BCKDHB: variants seen among roughly 807,000 people sequenced by gnomAD.
BCKDHB encodes branched chain keto acid dehydrogenase E1 subunit beta.
Under a neutral mutation model 48.5 loss-of-function variants are expected in BCKDHB, and 41 were observed. The ratio of observed to expected loss-of-function variants is 0.85; its 90% CI spans 0.66 to 1.10. The LOEUF (loss-of-function observed/expected upper bound fraction) is 1.10, where lower values mean the gene tolerates loss of function less well. BCKDHB is among the 50% of genes least tolerant of loss of function. The probability of loss-of-function intolerance (pLI) is 0.00; values close to 1 mark genes in which losing one functional copy is unlikely to be tolerated. For synonymous variants in BCKDHB, 201 were observed against 174.8 expected, an observed-to-expected ratio of 1.15 and a Z score of -1.18; for missense variants, 496 against 494.2, an observed-to-expected ratio of 1.00 and a Z score of -0.03.
intron 3 of BCKDHB, among the ~76,000 whole-genome samples, chr6:80,153,483 G>T (rs1771891877): frequency 6.6e-6 from 1 of 152,078 alleles, no homozygotes; most frequent in Non-Finnish European, 1.5e-5. Flanking sequence ...CATGCCTAGT[G>T]AGATCTTCCA....
At chr6:80,242,548 CACACAT>C (rs1776432297) in intron 8 of BCKDHB, among the ~76,000 whole-genome samples, 3 of 152,104 alleles carry the variant, frequency 2.0e-5, no homozygotes, top group African/African-American at 7.2e-5. Context: ...AAGTGACACA[CACACAT>C]ACACATACAC....
At chr6:80,336,470 C>T (rs562889671) in intron 9 of BCKDHB, among the ~76,000 whole-genome samples, 75 of 76,822 alleles carry the variant, frequency 9.8e-4, no homozygotes, top group Admixed American at 7.0e-3. Context: ...CTTTAACTAG[C>T]GGAAAGAAAT....
At chr6:80,177,749 A>T (rs1057313219) in intron 6 of BCKDHB, among the ~76,000 whole-genome samples, 1 of 152,186 alleles carries the variant, frequency 6.6e-6, no homozygotes, top group South Asian at 2.1e-4. Flanking sequence ...AGTAGTCCAT[A>T]TATAATCTCT....
At chr6:80,374,582 C>A in the BCKDHB span, 8 of 650,428 alleles carry the variant, frequency 1.2e-5, no homozygotes, top group Non-Finnish European at 1.7e-5. Flanking sequence ...TCACAGATTA[C>A]CTCCGGCTAC....
chr6:80,119,197 T>C (rs927979620), intron 1 of BCKDHB, among the ~76,000 whole-genome samples: 2 of 152,186 alleles, frequency 1.3e-5, no homozygotes, highest in East Asian at 3.9e-4. Flanking sequence ...GGTGTGAGAA[T>C]TGGTTGATCC....
intron 3 of BCKDHB, among the ~76,000 whole-genome samples, chr6:80,130,614 G>A (rs1770578636): frequency 6.6e-6 from 1 of 152,032 alleles, no homozygotes; most frequent in South Asian, 2.1e-4. Flanking sequence ...CAAACTTTTA[G>A]ATCTTTAATA....
At chr6:80,379,330 C>A in the BCKDHB span, among the ~76,000 whole-genome samples, 1 of 151,948 alleles carries the variant, frequency 6.6e-6, no homozygotes, top group African/African-American at 2.4e-5. Flanking sequence ...GAACAAAGAA[C>A]AAAAACTTTC....
chr6:80,394,964 C>T, the BCKDHB span, among the ~76,000 whole-genome samples: 1 of 152,158 alleles, frequency 6.6e-6, no homozygotes, highest in Non-Finnish European at 1.5e-5. Context: ...GCATATCTCT[C>T]CTGCTGCCTT....
chr6:80,116,548 A>G (rs1325752811), intron 1 of BCKDHB, among the ~76,000 whole-genome samples: 1 of 152,194 alleles, frequency 6.6e-6, no homozygotes, highest in African/African-American at 2.4e-5. Context: ...CATTCTGCCT[A>G]TATGTCACCT....
the BCKDHB span, among the ~76,000 whole-genome samples, chr6:80,428,749 T>C: frequency 5.2e-4 from 79 of 152,348 alleles, no homozygotes; most frequent in African/African-American, 1.9e-3. Context: ...TTGTTTAAGT[T>C]CTTTGTAGAT....
the BCKDHB span, among the ~76,000 whole-genome samples, chr6:80,363,973 A>G: frequency 1.8e-4 from 27 of 152,224 alleles, no homozygotes; most frequent in Non-Finnish European, 1.6e-4. Flanking sequence ...AATCACGGTT[A>G]TTTACTCCAT....
At chr6:80,397,878 A>C in the BCKDHB span, among the ~76,000 whole-genome samples, 1 of 152,196 alleles carries the variant, frequency 6.6e-6, no homozygotes. Context: ...ACTCTGTCTC[A>C]AAAACAAACC....
the BCKDHB span, among the ~76,000 whole-genome samples, chr6:80,436,550 C>G: frequency 1.3e-5 from 2 of 152,146 alleles, no homozygotes; most frequent in Non-Finnish European, 2.9e-5. Context: ...CTTCACCTGT[C>G]CCTTTCCATG....
At chr6:80,164,435 T>A (rs1296365756) in intron 3 of BCKDHB, among the ~76,000 whole-genome samples, 3 of 152,200 alleles carry the variant, frequency 2.0e-5, no homozygotes, top group African/African-American at 7.2e-5. Flanking sequence ...AGTGGGGTCT[T>A]CCCAATGTCC....
chr6:80,429,662 T>A, the BCKDHB span, among the ~76,000 whole-genome samples: 12 of 152,230 alleles, frequency 7.9e-5, 1 homozygote, highest in Non-Finnish European at 1.5e-4. Context: ...ACTCATGATT[T>A]GGCTCTGTTT....
At chr6:80,263,154 C>A (rs182743571) in intron 8 of BCKDHB, among the ~76,000 whole-genome samples, 2 of 152,240 alleles carry the variant, frequency 1.3e-5, no homozygotes, top group South Asian at 4.1e-4. Flanking sequence ...GATTTTTGTG[C>A]CTCTGTTGTG....
At chr6:80,364,454 G>A in the BCKDHB span, among the ~76,000 whole-genome samples, 1 of 152,144 alleles carries the variant, frequency 6.6e-6, no homozygotes, top group African/African-American at 2.4e-5. Flanking sequence ...AGGCAGGGAG[G>A]TCATGAGCCA....
At chr6:80,408,433 C>T in the BCKDHB span, among the ~76,000 whole-genome samples, 202 of 151,986 alleles carry the variant, frequency 1.3e-3, no homozygotes, top group African/African-American at 4.3e-3. Context: ...GAAATGTTAC[C>T]AGCTCCTTTT....
In BCKDHB at chr6:80,326,987, A is replaced by G. The variant is rs543242691; in HGVS notation, c.1039-16677A>G. Among the ~76,000 whole-genome samples, 3 of 152,260 alleles carry G rather than the reference A, an allele frequency of 2.0e-5. No homozygotes were observed. In the East Asian group the frequency reaches 5.8e-4, roughly 29 times the overall value. On this transcript the variant is annotated intron_variant, in intron 9 of 9. Transcript: ENST00000320393. ...ATTTCCAGCCTTTCTACCTTCTCAT[A>G]TATATGCCTTCTTTGTTATCGTAAG...
Sources: gnomAD v4.1 joint callset for allele counts (sites outside exome capture counted in the v4.1 genomes callset) on GRCh38, gnomAD v4.1.1 for gene constraint, MANE v1.5 for transcripts, NCBI Gene and HGNC (gene_info 2026-07-23, HGNC 2026-07-21) for gene names.